The following DDX43 variants were observed in gnomAD, a reference collection of about 807,000 sequenced individuals.
DDX43 encodes the protein probable ATP-dependent RNA helicase DDX43.
DDX43 carries 50 observed loss-of-function variants against 84.9 expected under a neutral mutation model. That is an observed-to-expected ratio of 0.59 (90% CI 0.47 to 0.75). The LOEUF is 0.75. DDX43 is among the 30% of genes least tolerant of loss of function. DDX43 has a pLI of 0.00. For synonymous variants in DDX43, 291 were observed against 266.3 expected (o/e 1.09, Z -0.90); for missense variants, 689 against 798.6 (o/e 0.86, Z 1.65).
chr6:73,397,263 A>G (rs770175874), intron 1 of DDX43, among the ~76,000 whole-genome samples: 14 of 152,272 alleles, frequency 9.2e-5, no homozygotes, highest in Non-Finnish European at 1.6e-4. Flanking sequence ...TGAGGTGACA[A>G]TCATTTTGTG....
intron 1 of DDX43, among the ~76,000 whole-genome samples, chr6:73,396,797 C>G (rs1333206492): frequency 6.6e-6 from 1 of 152,136 alleles, no homozygotes; most frequent in Non-Finnish European, 1.5e-5. Context: ...TTTAGGTAAT[C>G]CATATAAGTA....
At chr6:73,415,346 C>T (rs1769882555) in intron 14 of DDX43, 151 bp from the exon 15 acceptor site, 1 of 480,196 alleles carries the variant, frequency 2.1e-6, no homozygotes, top group Non-Finnish European at 3.7e-6. Flanking sequence ...TCATATACCC[C>T]CTTTGCTGTT....
intron 1 of DDX43, among the ~76,000 whole-genome samples, chr6:73,396,133 G>GT: frequency 6.6e-6 from 1 of 151,674 alleles, no homozygotes; most frequent in South Asian, 2.1e-4. Flanking sequence ...TAATTTTTGT[G>GT]TTTTTAGTAA....
At chr6:73,406,256 A>G in intron 6 of DDX43, 108 bp from the exon 7 acceptor site, 1 of 682,326 alleles carries the variant, frequency 1.5e-6, no homozygotes, top group Non-Finnish European at 2.5e-6. Context: ...TCCCGACCTC[A>G]GGAGATCTGC....
In DDX43 at chr6:73,409,353, G is replaced by A. The variant is rs747219257; in HGVS notation, c.1280+5G>A. On this transcript the variant is annotated splice_donor_5th_base_variant and intron_variant, in intron 10 of 16. Transcript: ENST00000370336. ...TAGGCAGACAGTTATGACCAGGTAC[G>A]TATATGCTTAATTACTGTGTGCAGA... The A allele has an allele frequency of 2.3e-5, 36 of 1,596,150 alleles. 2 individuals carry two copies. The South Asian group carries it at 2.9e-4, about 13-fold the overall frequency.
At chr6:73,396,979 G>A (rs1769485812) in intron 1 of DDX43, among the ~76,000 whole-genome samples, 1 of 152,084 alleles carries the variant, frequency 6.6e-6, no homozygotes, top group African/African-American at 2.4e-5. Context: ...TGATAAATGG[G>A]TAGCTTCCAC....
At chr6:73,414,512 AG>A (rs1562286756) in intron 13 of DDX43, 35 bp from the exon 14 acceptor site, 4 of 1,573,950 alleles carry the variant, frequency 2.5e-6, no homozygotes, top group Non-Finnish European at 3.5e-6. Flanking sequence ...GGTTTATACC[AG>A]AATGGTTCAG....
Position 73,407,912 on chromosome 6 carries a change from G to A in DDX43, c.1038-48G>A, listed in dbSNP as rs973668952. ...CTTTTATTGGATTTTAAGTTGTGAT[G>A]AGATATTCTGTGCCTAAACATTAAC... On this transcript the variant is annotated intron_variant, in intron 8 of 16. Coordinates refer to ENST00000370336, the MANE Select transcript of DDX43 (RefSeq NM_018665.3). 8 of 1,553,878 alleles carry A rather than the reference G, an allele frequency of 5.1e-6. No homozygotes were observed. In the African/African-American group the frequency reaches 9.6e-5, roughly 19 times the overall value.
chr6:73,409,157 C>A, intron 9 of DDX43, 91 bp from the exon 10 acceptor site: 1 of 945,330 alleles, frequency 1.1e-6, no homozygotes, highest in Non-Finnish European at 1.7e-6. Context: ...ATGAGAAAAG[C>A]CTTTCTTAGT....
intron 3 of DDX43, 124 bp from the exon 4 acceptor site, chr6:73,401,735 G>A (rs1769575078): frequency 2.3e-6 from 2 of 877,236 alleles, no homozygotes; most frequent in Non-Finnish European, 1.6e-6. Flanking sequence ...CCGGGAGGTG[G>A]AGCTTGCAGT....
intron 11 of DDX43, 80 bp from the exon 12 acceptor site, chr6:73,413,578 A>G: frequency 2.2e-6 from 3 of 1,343,504 alleles, no homozygotes; most frequent in Non-Finnish European, 3.0e-6. Context: ...ATGAGAGAGA[A>G]GATGCATTTT....
In DDX43 at chr6:73,398,822, A is replaced by G. The variant is rs924522682; in HGVS notation, c.306+1078A>G. On this transcript the variant is annotated intron_variant, in intron 2 of 16. Coordinates refer to ENST00000370336, the MANE Select transcript of DDX43 (RefSeq NM_018665.3). ...TATTTCCTTATTCTCATTCACCGCT[A>G]GGTCTTGACTATTTCTTGTACTTCT... 2.0e-5 allele frequency among the ~76,000 whole-genome samples: 3 copies of G among 152,212 alleles called. No individual in the cohort carries two copies. In the South Asian group the frequency reaches 6.2e-4, roughly 31 times the overall value.
intron 1 of DDX43, among the ~76,000 whole-genome samples, chr6:73,395,797 G>A (rs1039177933): frequency 6.6e-6 from 1 of 152,012 alleles, no homozygotes; most frequent in Admixed American, 6.6e-5. Flanking sequence ...GTCTTTCTAT[G>A]AGTACCATTT....
Position 73,404,235 on chromosome 6 carries a change from G to A in DDX43, c.569-455G>A, listed in dbSNP as rs141225642. Among the ~76,000 whole-genome samples the A allele has an allele frequency of 7.4e-4, 113 of 152,178 alleles. 7 individuals are homozygous for A. The East Asian group carries it at 0.021, about 28-fold the overall frequency. On this transcript the variant is annotated intron_variant, in intron 4 of 16. Transcript: ENST00000370336. ...TGAGTAGCGGGGATTACAGGCATGC[G>A]CCACTGTGCCGGGAGAATTTTTGTA...
intron 4 of DDX43, among the ~76,000 whole-genome samples, chr6:73,402,822 A>G (rs1769601706): frequency 6.6e-6 from 1 of 152,006 alleles, no homozygotes; most frequent in Non-Finnish European, 1.5e-5. Flanking sequence ...CAAGTGATCC[A>G]CCTGCCTTGG....
intron 2 of DDX43, among the ~76,000 whole-genome samples, 166 bp from the exon 3 acceptor site, chr6:73,400,068 T>C (rs1314342742): frequency 6.6e-6 from 1 of 152,214 alleles, no homozygotes; most frequent in Non-Finnish European, 1.5e-5. Context: ...GTAGTATTCC[T>C]CTCTAACTAG....
At chr6:73,395,971 A>ATT (rs879393171) in intron 1 of DDX43, among the ~76,000 whole-genome samples, 4 of 140,770 alleles carry the variant, frequency 2.8e-5, no homozygotes, top group East Asian at 4.1e-4. Context: ...CTTTCTTTTG[A>ATT]TTTTTTTTTT....
chr6:73,400,689 G>A (rs1353031552), intron 3 of DDX43, among the ~76,000 whole-genome samples: 1 of 152,148 alleles, frequency 6.6e-6, no homozygotes. Flanking sequence ...ACACACTTTA[G>A]TGTTAGTGGG....
chr6:73,411,102 G>C (rs1273166325), intron 10 of DDX43, among the ~76,000 whole-genome samples: 6 of 148,434 alleles, frequency 4.0e-5, no homozygotes, highest in African/African-American at 1.5e-4. Context: ...CGTGAACCTG[G>C]GAGGCGGAGC....
Sources: allele counts gnomAD v4.1 joint callset (sites outside exome capture counted in the v4.1 genomes callset), GRCh38; gene constraint gnomAD v4.1.1; transcripts MANE v1.5; gene names NCBI Gene and HGNC (gene_info 2026-07-23, HGNC 2026-07-21).